CMTM4: variants seen among roughly 807,000 people sequenced by gnomAD.
CMTM4 encodes CKLF-like MARVEL transmembrane domain-containing protein 4.
In CMTM4, 8 loss-of-function variants were observed where a neutral mutation model predicts 19.0. The observed-to-expected ratio is 0.42, with a 90% CI of 0.25 to 0.76. The LOEUF (loss-of-function observed/expected upper bound fraction) is 0.76. CMTM4 is among the 30% of genes least tolerant of loss of function. CMTM4 has a pLI of 0.27. For synonymous variants in CMTM4, 106 were observed against 121.1 expected (o/e 0.88, Z 0.82); for missense variants, 228 against 290.2 (o/e 0.79, Z 1.56).
At chr16:66,649,491 T>C (rs1382792024) in intron 1 of CMTM4, among the ~76,000 whole-genome samples, 2 of 151,354 alleles carry the variant, frequency 1.3e-5, no homozygotes, top group Non-Finnish European at 2.9e-5. Context: ...TCTATCTATC[T>C]ATCCCTGATT....
At chr16:66,604,906 G>A in the CMTM4 span, 3 of 1,464,808 alleles carry the variant, frequency 2.0e-6, no homozygotes, top group South Asian at 1.3e-5. Context: ...CTGCCGGCGC[G>A]GGCTTTCCTC....
intron 2 of CMTM4, 98 bp from the exon 3 acceptor site, chr16:66,623,600 A>G: frequency 2.8e-6 from 2 of 719,408 alleles, no homozygotes; most frequent in Admixed American, 3.0e-5. Context: ...ACGATACCCA[A>G]CCTCCCTGGT....
chr16:66,610,143 C>G, downstream of CMTM4: 1 of 1,063,152 alleles, frequency 9.4e-7, no homozygotes, highest in Non-Finnish European at 1.4e-6. The surrounding 1 kb of genome is among the most constrained non-coding windows in gnomAD (Gnocchi z 4.6). Flanking sequence ...CCATTCTCAC[C>G]TACCCTCATG....
In CMTM4 at chr16:66,620,302, A is replaced by G. The variant is rs572878667; in HGVS notation, c.*1756T>C. 1.2e-4 allele frequency: 123 copies of G among 985,442 alleles called. No individual in the cohort carries two copies. Among genetic ancestry groups the G allele is most frequent in the Middle Eastern group, 5.2e-4 (1 of 1,914 alleles). 61.0% of individuals were successfully genotyped at this position (985,442 alleles called of 1,614,324 possible). A position where few individuals can be genotyped will look rare whatever the true frequency, so the allele number is the denominator to read the frequency against. ...CTGACAGGCAGCACACCCAGCTGTG[A>G]GCTGGCCTGGCTGCCCTCTCTGTGG... On this transcript the variant is annotated 3_prime_UTR_variant, in exon 4 of 4. Coordinates refer to ENST00000394106, the MANE Select transcript of CMTM4 (RefSeq NM_181521.3).
At chr16:66,607,454 A>T in the CMTM4 span, among the ~76,000 whole-genome samples, 109 of 152,002 alleles carry the variant, frequency 7.2e-4, no homozygotes, top group Non-Finnish European at 1.4e-3. Context: ...ATACATTAAA[A>T]CTCCAAAAGA....
chr16:66,673,846 C>T (rs1217762879), intron 1 of CMTM4, among the ~76,000 whole-genome samples: 3 of 152,234 alleles, frequency 2.0e-5, no homozygotes, highest in Admixed American at 2.0e-4. Flanking sequence ...CTGAAATAGT[C>T]TTGGTCGTGG....
intron 1 of CMTM4, among the ~76,000 whole-genome samples, chr16:66,655,966 A>G (rs2016391462): frequency 6.6e-6 from 1 of 152,096 alleles, no homozygotes; most frequent in African/African-American, 2.4e-5. Flanking sequence ...TTAGCCGGGA[A>G]TGGTAGCCCA....
Position 66,620,965 on chromosome 16 carries a change from T to C in CMTM4, c.*1093A>G, listed in dbSNP as rs1158342950. Reference sequence around the variant, plus strand: ...TCCCCCCAACAACTCCCAAGAATGATGTCTACAGTTATGACACTGAGGCGC... The same window carrying C: ...TCCCCCCAACAACTCCCAAGAATGACGTCTACAGTTATGACACTGAGGCGC... On this transcript the variant is annotated 3_prime_UTR_variant, in exon 4 of 4. Coordinates refer to ENST00000394106, the MANE Select transcript of CMTM4 (RefSeq NM_181521.3). 2.0e-6 allele frequency: 2 copies of C among 985,762 alleles called. No individual in the cohort carries two copies. The highest frequency in any genetic ancestry group is 2.4e-6 in the Non-Finnish European group (2 of 829,948). The allele number at this position is 985,762 out of a possible 1,614,324, so 61.1% of individuals were successfully genotyped here. A position where few individuals can be genotyped will look rare whatever the true frequency, so the allele number is the denominator to read the frequency against.
intron 2 of CMTM4, among the ~76,000 whole-genome samples, chr16:66,631,133 T>G (rs1403474776): frequency 7.2e-6 from 1 of 138,210 alleles, no homozygotes; most frequent in African/African-American, 2.8e-5. Flanking sequence ...GAGGAGCGTC[T>G]CTGCCCGGCA....
chr16:66,646,016 T>C (rs1291844677), intron 1 of CMTM4, among the ~76,000 whole-genome samples: 1 of 151,908 alleles, frequency 6.6e-6, no homozygotes, highest in Non-Finnish European at 1.5e-5. Flanking sequence ...AGGAGAGCCA[T>C]GGTGAATAAA....
chr16:66,658,981 G>A (rs149740029), intron 1 of CMTM4, among the ~76,000 whole-genome samples: 3 of 152,162 alleles, frequency 2.0e-5, no homozygotes, highest in African/African-American at 4.8e-5. Context: ...GAAGCCAGCA[G>A]ACCTGAGACA....
intron 1 of CMTM4, among the ~76,000 whole-genome samples, chr16:66,647,377 T>C (rs2016224508): frequency 6.6e-6 from 1 of 150,536 alleles, no homozygotes; most frequent in Non-Finnish European, 1.5e-5. Context: ...TTCACAATTA[T>C]AGCCTGTTTT....
intron 1 of CMTM4, among the ~76,000 whole-genome samples, chr16:66,670,418 C>T (rs1183681309): frequency 4.5e-5 from 6 of 134,470 alleles, no homozygotes; most frequent in African/African-American, 1.4e-4. Flanking sequence ...CCAACCTGGG[C>T]GACAGAGCAA....
chr16:66,631,148 C>A (rs528562271), intron 2 of CMTM4, among the ~76,000 whole-genome samples: 6 of 151,922 alleles, frequency 3.9e-5, no homozygotes, highest in African/African-American at 1.4e-4. Context: ...CCGGCAGCCA[C>A]CCCGTCCGGG....
intron 1 of CMTM4, among the ~76,000 whole-genome samples, chr16:66,654,511 C>A (rs947331671): frequency 2.6e-5 from 4 of 152,208 alleles, no homozygotes; most frequent in Admixed American, 6.5e-5. Context: ...AAGCCCCAGA[C>A]CCAGGCCATA....
chr16:66,629,035 C>T (rs2015799471), intron 2 of CMTM4, among the ~76,000 whole-genome samples: 1 of 151,942 alleles, frequency 6.6e-6, no homozygotes, highest in African/African-American at 2.4e-5. Flanking sequence ...TTTTGTTTTA[C>T]AATAAGCACT....
chr16:66,619,180 C>G lies in CMTM4; in HGVS notation c.*2878G>C, dbSNP rs2015582184. 1 of 985,424 alleles carries G rather than the reference C, an allele frequency of 1.0e-6. No homozygotes were observed. The highest frequency in any genetic ancestry group is 1.2e-6 in the Non-Finnish European group (1 of 829,936). The allele number at this position is 985,424 out of a possible 1,614,324, so 61.0% of individuals were successfully genotyped here. Reference sequence around the variant, plus strand: ...AAGGCAGGGAAAACATATTTCCCTCCCATGCCTTCAGCAGTGTGAAAGAAG... The same window carrying G: ...AAGGCAGGGAAAACATATTTCCCTCGCATGCCTTCAGCAGTGTGAAAGAAG... On this transcript the variant is annotated 3_prime_UTR_variant, in exon 4 of 4. Transcript: ENST00000394106.
intron 2 of CMTM4, among the ~76,000 whole-genome samples, chr16:66,625,305 A>T (rs1239606929): frequency 1.3e-5 from 2 of 152,076 alleles, no homozygotes; most frequent in Non-Finnish European, 2.9e-5. Flanking sequence ...GTGGTGGCAC[A>T]TGCCTGTAAT....
At chr16:66,636,735 C>G (rs907946750) in intron 1 of CMTM4, among the ~76,000 whole-genome samples, 154 bp from the exon 2 acceptor site, 2 of 152,196 alleles carry the variant, frequency 1.3e-5, no homozygotes, top group Admixed American at 1.3e-4. Flanking sequence ...ATCAGACCTG[C>G]TTCAATTCTT....
Sources: gnomAD v4.1 joint callset for allele counts (sites outside exome capture counted in the v4.1 genomes callset) on GRCh38, gnomAD v4.1.1 for gene constraint, Gnocchi (gnomAD v3.1) non-coding constraint, MANE v1.5 for transcripts, NCBI Gene and HGNC (gene_info 2026-07-23, HGNC 2026-07-21) for gene names.